UBE2K: variants seen among roughly 807,000 people sequenced by gnomAD.
The protein encoded by UBE2K is ubiquitin-conjugating enzyme E2 K.
A neutral mutation model predicts 30.0 loss-of-function variants in UBE2K; 6 were observed. The ratio of observed to expected loss-of-function variants is 0.20; its 90% CI spans 0.11 to 0.39. The LOEUF (loss-of-function observed/expected upper bound fraction) is 0.39, where lower values mean the gene tolerates loss of function less well. Ranked by LOEUF, UBE2K falls within the 10% of genes least tolerant of loss-of-function variation. The pLI, the probability that UBE2K is intolerant of heterozygous loss-of-function variation, is 1.00. For synonymous variants in UBE2K, 86 were observed against 83.7 expected, an observed-to-expected ratio of 1.03 and a Z score of -0.15; for missense variants, 61 against 241.6, an observed-to-expected ratio of 0.25 and a Z score of 4.96.
intron 4 of UBE2K, among the ~76,000 whole-genome samples, chr4:39,771,791 C>A (rs1440171272): frequency 6.6e-6 from 1 of 152,200 alleles, no homozygotes; most frequent in Non-Finnish European, 1.5e-5. Context: ...ACACTGAGAT[C>A]ATTGCTTTAA....
At chr4:39,775,025 A>C in intron 5 of UBE2K, 92 bp downstream of exon 5, 7 of 638,224 alleles carry the variant, frequency 1.1e-5, no homozygotes, top group Non-Finnish European at 1.7e-5. Context: ...AGCATACTCT[A>C]TTGAAACTAA....
chr4:39,767,829 T>C (rs1204870141), intron 4 of UBE2K, among the ~76,000 whole-genome samples: 1 of 152,160 alleles, frequency 6.6e-6, no homozygotes, highest in Non-Finnish European at 1.5e-5. Flanking sequence ...TTTTCTTTGC[T>C]ATTCAGGTAA....
intron 1 of UBE2K, among the ~76,000 whole-genome samples, chr4:39,704,808 C>T (rs1049199440): frequency 6.6e-5 from 10 of 150,534 alleles, no homozygotes; most frequent in Non-Finnish European, 1.5e-4. Flanking sequence ...ACCTGAAGTG[C>T]TGGGATTACA....
intron 1 of UBE2K, among the ~76,000 whole-genome samples, chr4:39,723,853 C>T (rs900426306): frequency 3.3e-5 from 5 of 152,234 alleles, no homozygotes; most frequent in East Asian, 1.9e-4. Context: ...TCTCTTGTTG[C>T]GCAGGGTGGA....
intron 3 of UBE2K, among the ~76,000 whole-genome samples, chr4:39,752,862 C>G (rs115862224): frequency 9.4e-4 from 143 of 152,132 alleles, no homozygotes; most frequent in Middle Eastern, 3.4e-3. Flanking sequence ...AAGAAATACT[C>G]AGCATGGGCC....
chr4:39,721,232 G>A (rs1277934564), intron 1 of UBE2K, among the ~76,000 whole-genome samples: 5 of 152,154 alleles, frequency 3.3e-5, no homozygotes, highest in African/African-American at 1.2e-4. Context: ...AAAGAAAGTT[G>A]ATTAGACAAC....
At chr4:39,702,231 C>CT (rs564712672) in intron 1 of UBE2K, among the ~76,000 whole-genome samples, 1 of 67,376 alleles carries the variant, frequency 1.5e-5, no homozygotes, top group Non-Finnish European at 2.7e-5. Flanking sequence ...CTTTTCTTTT[C>CT]TTTTTTTTTT....
intron 4 of UBE2K, among the ~76,000 whole-genome samples, chr4:39,772,728 C>T (rs1712982977): frequency 1.3e-5 from 2 of 150,300 alleles, no homozygotes; most frequent in African/African-American, 2.5e-5. Context: ...CGCTCTGTCG[C>T]CCAGGCTAGA....
At chr4:39,770,065 C>G (rs1177742421) in intron 4 of UBE2K, 128 of 1,529,766 alleles carry the variant, frequency 8.4e-5, no homozygotes, top group Non-Finnish European at 1.1e-4. Flanking sequence ...GCCTCCGGGC[C>G]TCCACGCCTG....
intron 1 of UBE2K, among the ~76,000 whole-genome samples, chr4:39,715,524 G>A (rs1395211113): frequency 2.0e-5 from 3 of 151,010 alleles, no homozygotes; most frequent in Non-Finnish European, 4.4e-5. Context: ...TGGCCAGGCT[G>A]GTCTCCAACT....
At chr4:39,732,136 T>A (rs80117436) in intron 1 of UBE2K, among the ~76,000 whole-genome samples, 11,740 of 152,206 alleles carry the variant, frequency 0.077, 1,038 homozygotes, top group African/African-American at 0.22. Context: ...AAATTTAGCA[T>A]TTACTGTGTG....
intron 1 of UBE2K, among the ~76,000 whole-genome samples, chr4:39,727,196 A>G (rs1164287519): frequency 6.6e-6 from 1 of 152,226 alleles, no homozygotes; most frequent in Non-Finnish European, 1.5e-5. Flanking sequence ...AAGCAGTCTT[A>G]GAGTACAAAT....
At position 39,776,062 on chromosome 4, in the gene UBE2K, C is replaced by T. The variant is rs1285269569; in HGVS notation, c.399+1129C>T. On this transcript the variant is annotated intron_variant, in intron 5 of 6. Transcript: ENST00000261427. ...TTAGGCTTGCCCTCTCTCCTAAGCA[C>T]GAGAGCCTGGTGTTTAACTAAATTG... 5.9e-5 allele frequency among the ~76,000 whole-genome samples: 9 copies of T among 152,138 alleles called. No homozygotes were observed. In the East Asian group the frequency reaches 1.2e-3, roughly 20 times the overall value.
chr4:39,706,559 A>G (rs1170552089), intron 1 of UBE2K, among the ~76,000 whole-genome samples: 4 of 137,154 alleles, frequency 2.9e-5, no homozygotes, highest in African/African-American at 1.1e-4. Context: ...TGCAGCCACC[A>G]CCTCCCAGGT....
At chr4:39,751,568 A>T (rs1374093418) in intron 3 of UBE2K, among the ~76,000 whole-genome samples, 1 of 152,128 alleles carries the variant, frequency 6.6e-6, no homozygotes, top group Non-Finnish European at 1.5e-5. Context: ...AGTCCCAACT[A>T]CTCAGGAGGC....
chr4:39,744,430 C>T, intron 2 of UBE2K, among the ~76,000 whole-genome samples: 2 of 151,600 alleles, frequency 1.3e-5, no homozygotes. Context: ...CCTCAGCCTC[C>T]CAAAGTGCTG....
chr4:39,738,723 C>T (rs1720508416), intron 2 of UBE2K, among the ~76,000 whole-genome samples: 1 of 152,092 alleles, frequency 6.6e-6, no homozygotes, highest in Non-Finnish European at 1.5e-5. Context: ...TGTCACCCAG[C>T]CTGGAGTGCG....
intron 4 of UBE2K, chr4:39,770,057 C>T: frequency 2.0e-6 from 3 of 1,517,850 alleles, no homozygotes; most frequent in Non-Finnish European, 1.8e-6. Context: ...GGACCCCAGC[C>T]TCCGGGCCTC....
intron 2 of UBE2K, among the ~76,000 whole-genome samples, chr4:39,744,606 C>T (rs953191259): frequency 3.3e-5 from 5 of 151,772 alleles, no homozygotes; most frequent in African/African-American, 1.2e-4. Flanking sequence ...TTTATATACC[C>T]ATTTAAAGGA....
Sources: allele counts gnomAD v4.1 joint callset (sites outside exome capture counted in the v4.1 genomes callset), GRCh38; gene constraint gnomAD v4.1.1; transcripts MANE v1.5; gene names NCBI Gene and HGNC (gene_info 2026-07-23, HGNC 2026-07-21).